Variants in RSPO2 observed in about 807,000 individuals in gnomAD.
RSPO2 encodes R-spondin-2.
RSPO2 carries 14 observed loss-of-function variants against 30.9 expected under a neutral mutation model. The ratio of observed to expected loss-of-function variants is 0.45; its 90% CI spans 0.30 to 0.71. The LOEUF is 0.71. Ranked by LOEUF, RSPO2 falls within the 30% of genes least tolerant of loss-of-function variation. RSPO2 has a pLI of 0.08. For synonymous variants in RSPO2, 107 were observed against 96.4 expected, an observed-to-expected ratio of 1.11 and a Z score of -0.64; for missense variants, 264 against 301.9, an observed-to-expected ratio of 0.87 and a Z score of 0.93.
At chr8:107,958,016 T>G in intron 5 of RSPO2, 64 bp downstream of exon 5, 1 of 1,066,748 alleles carries the variant, frequency 9.4e-7, no homozygotes, top group East Asian at 2.6e-5. Flanking sequence ...GAAGGGAAGG[T>G]GGTTAGGAAG....
chr8:107,988,585 A>G (rs1814732472), intron 3 of RSPO2, among the ~76,000 whole-genome samples: 1 of 152,194 alleles, frequency 6.6e-6, no homozygotes, highest in South Asian at 2.1e-4. Context: ...ATATAAAGTA[A>G]AAGTGCTCTT....
At chr8:108,002,591 C>A (rs552644119) in intron 2 of RSPO2, among the ~76,000 whole-genome samples, 1 of 152,280 alleles carries the variant, frequency 6.6e-6, no homozygotes, top group South Asian at 2.1e-4. Flanking sequence ...ATATCACCTG[C>A]TTCCTAGAAT....
chr8:107,983,062 A>G (rs1814505966), intron 3 of RSPO2: 4 of 1,249,704 alleles, frequency 3.2e-6, no homozygotes, highest in Non-Finnish European at 4.4e-6. Context: ...AGTCCCCTCC[A>G]TGTTCCCTGG....
At chr8:108,031,889 C>T (rs970630543) in intron 2 of RSPO2, among the ~76,000 whole-genome samples, 1 of 151,934 alleles carries the variant, frequency 6.6e-6, no homozygotes, top group Non-Finnish European at 1.5e-5. Context: ...AGGATTGATG[C>T]CCCACACCTT....
chr8:107,930,467 A>G (rs1015318294), intron 5 of RSPO2, among the ~76,000 whole-genome samples: 2 of 152,210 alleles, frequency 1.3e-5, no homozygotes, highest in African/African-American at 4.8e-5. Context: ...CCAGTTCTGA[A>G]GCTGCAAGGC....
chr8:108,054,766 C>A (rs768050457), intron 2 of RSPO2, among the ~76,000 whole-genome samples: 4 of 152,098 alleles, frequency 2.6e-5, no homozygotes, highest in Non-Finnish European at 4.4e-5. Flanking sequence ...CCATTTTGTG[C>A]CCTAAGGCCC....
At chr8:107,964,449 G>A (rs1254811338) in intron 3 of RSPO2, among the ~76,000 whole-genome samples, 1 of 152,084 alleles carries the variant, frequency 6.6e-6, no homozygotes, top group Non-Finnish European at 1.5e-5. Context: ...TCACCATGTT[G>A]GTCAGGCTGG....
At chr8:108,037,569 A>G (rs967660237) in intron 2 of RSPO2, among the ~76,000 whole-genome samples, 1 of 152,258 alleles carries the variant, frequency 6.6e-6, no homozygotes, top group Non-Finnish European at 1.5e-5. Flanking sequence ...ACTAAAAAAC[A>G]GATTTTTAAA....
intron 5 of RSPO2, among the ~76,000 whole-genome samples, chr8:107,909,238 C>T (rs1417181485): frequency 6.7e-6 from 1 of 150,090 alleles, no homozygotes; most frequent in Non-Finnish European, 1.5e-5. Flanking sequence ...TTCAGTTATT[C>T]TCTCATATAC....
At chr8:107,955,702 T>A (rs758074717) in intron 5 of RSPO2, among the ~76,000 whole-genome samples, 17 of 152,212 alleles carry the variant, frequency 1.1e-4, no homozygotes, top group Non-Finnish European at 2.4e-4. Flanking sequence ...ATATCTTATA[T>A]GCATAGTGAT....
chr8:107,985,257 A>G (rs919560235), intron 3 of RSPO2, among the ~76,000 whole-genome samples: 3 of 152,202 alleles, frequency 2.0e-5, no homozygotes, highest in Non-Finnish European at 2.9e-5. Flanking sequence ...GGCAATATAT[A>G]TCTTTAAAAC....
chr8:107,899,757 A>G lies in RSPO2; in HGVS notation c.*1318T>C, dbSNP rs1811381115. ...AAAAGCCAATTCACAACCTTCTAAA[A>G]ACTGGTTCCCCTAAAAGGACAATGA... is the stretch of plus-strand genomic sequence containing the variant. On this transcript the variant is annotated 3_prime_UTR_variant, in exon 6 of 6. Coordinates refer to ENST00000276659, the MANE Select transcript of RSPO2 (RefSeq NM_178565.5). 1 of 152,204 alleles carries G rather than the reference A, an allele frequency of 6.6e-6. No individual in the cohort carries two copies. Among genetic ancestry groups the G allele is most frequent in the African/African-American group, 2.4e-5 (1 of 41,438 alleles). The allele number at this position is 152,204 out of a possible 1,614,324, so 9.4% of individuals were successfully genotyped here. A position where few individuals can be genotyped will look rare whatever the true frequency, so the allele number is the denominator to read the frequency against.
In RSPO2 at chr8:107,958,468, C is replaced by A. The variant is rs117520716; in HGVS notation, c.428-200G>T. Among the ~76,000 whole-genome samples the A allele has an allele frequency of 1.1e-3, 164 of 151,870 alleles. 3 individuals carry two copies. In the East Asian group the frequency reaches 0.031, roughly 29 times the overall value. On this transcript the variant is annotated intron_variant, in intron 4 of 5. Coordinates refer to ENST00000276659, the MANE Select transcript of RSPO2 (RefSeq NM_178565.5). ...TTTTTGAACCATAAGATATTTCTAT[C>A]AAAAAAAAGCTGTTACTTTCCATTT...
At chr8:107,985,802 T>C (rs1814606125) in intron 3 of RSPO2, among the ~76,000 whole-genome samples, 1 of 152,196 alleles carries the variant, frequency 6.6e-6, no homozygotes, top group Non-Finnish European at 1.5e-5. Context: ...TAGTGTCTGT[T>C]AGTACATGTA....
intron 2 of RSPO2, among the ~76,000 whole-genome samples, chr8:108,028,210 T>C (rs1187987808): frequency 6.6e-6 from 1 of 152,160 alleles, no homozygotes; most frequent in African/African-American, 2.4e-5. Context: ...TTGACCCCCC[T>C]AAACTGCTCT....
intron 5 of RSPO2, among the ~76,000 whole-genome samples, chr8:107,927,923 G>A (rs1358130881): frequency 6.6e-6 from 1 of 152,098 alleles, no homozygotes; most frequent in Admixed American, 6.6e-5. Flanking sequence ...CAACTCACAT[G>A]TCCAATTCTG....
chr8:107,957,975 G>T, intron 5 of RSPO2, 105 bp downstream of exon 5: 1 of 752,270 alleles, frequency 1.3e-6, no homozygotes, highest in Non-Finnish European at 2.2e-6. Context: ...AATATTATTG[G>T]GTTTCCTTCA....
intron 2 of RSPO2, among the ~76,000 whole-genome samples, chr8:108,029,545 A>C (rs977138678): frequency 6.6e-5 from 10 of 152,202 alleles, no homozygotes; most frequent in Admixed American, 6.5e-4. Context: ...GCCCACAAAA[A>C]TCATTTTTAA....
chr8:108,053,147 C>T (rs958312525), intron 2 of RSPO2, among the ~76,000 whole-genome samples: 4 of 152,118 alleles, frequency 2.6e-5, no homozygotes, highest in Non-Finnish European at 5.9e-5. Context: ...ACCTCGGTTA[C>T]CTGCTGCCAC....
Sources: allele counts gnomAD v4.1 joint callset (sites outside exome capture counted in the v4.1 genomes callset), GRCh38; gene constraint gnomAD v4.1.1; transcripts MANE v1.5; gene names NCBI Gene and HGNC (gene_info 2026-07-23, HGNC 2026-07-21).